GOLGA5: variants seen among roughly 807,000 people sequenced by gnomAD.
GOLGA5 encodes the protein golgin subfamily A member 5.
A neutral mutation model predicts 93.5 loss-of-function variants in GOLGA5; 50 were observed. The observed-to-expected ratio is 0.53, with a 90% CI of 0.43 to 0.68. GOLGA5 has a LOEUF of 0.68. GOLGA5 is among the 30% of genes least tolerant of loss of function. GOLGA5 has a pLI of 0.00. For missense variants in GOLGA5, 760 were observed against 856.4 expected (o/e 0.89, Z 1.40); for synonymous variants, 312 against 304.5 (o/e 1.02, Z -0.26).
At chr14:92,834,154 T>A (rs11844704) in intron 10 of GOLGA5, among the ~76,000 whole-genome samples, 506 of 151,044 alleles carry the variant, frequency 3.4e-3, no homozygotes, top group Middle Eastern at 0.014. Context: ...GTGATTTTTT[T>A]AAGGGTTTTC....
intron 1 of GOLGA5, among the ~76,000 whole-genome samples, chr14:92,796,687 CCGGCCGGGCGCGG>C (rs1408659129): frequency 2.4e-4 from 37 of 151,890 alleles, no homozygotes; most frequent in South Asian, 8.3e-4. Context: ...TAAGATTTGC[CCGGCCGGGCGCGG>C]TGGCTCACGC....
chr14:92,819,808 T>G lies in GOLGA5; in HGVS notation c.1592T>G (p.Leu531Arg). 6.2e-7 allele frequency: 1 copy of G among 1,613,984 alleles called. No individual in the cohort carries two copies. The highest frequency in any genetic ancestry group is 1.1e-5 in the South Asian group (1 of 91,066). ...IAGQKASKQE[L>R]ETELERLKQE... Reference sequence around the variant, plus strand: ...GGGCAGAAAGCATCCAAACAAGAACTAGAGACAGAACTGGAGCGACTGAAG... The same window carrying G: ...GGGCAGAAAGCATCCAAACAAGAACGAGAGACAGAACTGGAGCGACTGAAG... The change falls in exon 8 of 13, where the codon CTA becomes CGA. Residue 531 changes from leucine (L) to arginine (R), a missense_variant. Transcript: ENST00000163416.
intron 1 of GOLGA5, among the ~76,000 whole-genome samples, chr14:92,796,513 T>A (rs1383977538): frequency 6.6e-6 from 1 of 152,196 alleles, no homozygotes; most frequent in African/African-American, 2.4e-5. Flanking sequence ...TAGAAGGACA[T>A]GCCAATTATA....
At position 92,819,747 on chromosome 14, in the gene GOLGA5, A is replaced by G; in HGVS notation, c.1531A>G (p.Arg511Gly). 1 of 1,613,936 alleles carries G rather than the reference A, an allele frequency of 6.2e-7. No homozygotes were observed. Among genetic ancestry groups the G allele is most frequent in the Non-Finnish European group, 8.5e-7 (1 of 1,179,760 alleles). Residue 511 changes from arginine to glycine, a missense_variant, in exon 8 of 13, where the codon AGA becomes GGA. Physicochemically the swap from Arg to Gly is moderately radical, Grantham distance 125. Transcript: ENST00000163416. ...AQQVNEAESAREQLQDLHDQI... is the reference protein window; with the variant it reads ...AQQVNEAESAGEQLQDLHDQI... ...GCAAGTTAATGAAGCAGAATCAGCA[A>G]GAGAACAGTTACAGGATCTGCATGA...
At chr14:92,823,751 A>G (rs1420946018) in intron 8 of GOLGA5, among the ~76,000 whole-genome samples, 1 of 152,134 alleles carries the variant, frequency 6.6e-6, no homozygotes. Context: ...TATGAATACT[A>G]GAATAACTTT....
intron 9 of GOLGA5, among the ~76,000 whole-genome samples, chr14:92,828,127 A>G (rs944045298): frequency 1.3e-5 from 2 of 152,244 alleles, no homozygotes; most frequent in South Asian, 2.1e-4. Context: ...CAGATTTTCA[A>G]TGTAGATGAA....
chr14:92,814,806 A>G (rs1474288096), intron 6 of GOLGA5, among the ~76,000 whole-genome samples: 1 of 152,082 alleles, frequency 6.6e-6, no homozygotes, highest in Non-Finnish European at 1.5e-5. Context: ...TGCATGTCAA[A>G]TCTCTTCTTC....
At chr14:92,798,486 G>T (rs1380165057) in intron 2 of GOLGA5, among the ~76,000 whole-genome samples, 1 of 152,222 alleles carries the variant, frequency 6.6e-6, no homozygotes, top group East Asian at 1.9e-4. Flanking sequence ...TGACCTAGTA[G>T]TGAAGCAAGA....
chr14:92,813,457 TTGAAAGA>T (rs1200239604), intron 6 of GOLGA5, among the ~76,000 whole-genome samples: 2 of 152,072 alleles, frequency 1.3e-5, no homozygotes, highest in Non-Finnish European at 2.9e-5. Flanking sequence ...AAAGAGAAAC[TTGAAAGA>T]TGAATAGGAA....
chr14:92,807,587 C>T (rs1331482016), intron 3 of GOLGA5, among the ~76,000 whole-genome samples: 1 of 152,124 alleles, frequency 6.6e-6, no homozygotes. Context: ...TCAAGGGAAG[C>T]TGTTCCATTA....
At chr14:92,827,818 A>G (rs944014070) in intron 9 of GOLGA5, among the ~76,000 whole-genome samples, 2 of 152,216 alleles carry the variant, frequency 1.3e-5, no homozygotes, top group Non-Finnish European at 2.9e-5. Context: ...CTTATTGCTG[A>G]CAAGGAGAAA....
intron 2 of GOLGA5, among the ~76,000 whole-genome samples, chr14:92,802,764 T>C (rs1275412043): frequency 1.3e-5 from 2 of 151,522 alleles, no homozygotes; most frequent in Admixed American, 1.3e-4. Context: ...TATTTATTTA[T>C]TTTTAATAGA....
At chr14:92,816,133 C>CT (rs1165029149) in intron 6 of GOLGA5, 118 bp from the exon 7 acceptor site, 3 of 664,582 alleles carry the variant, frequency 4.5e-6, no homozygotes, top group African/African-American at 3.6e-5. Context: ...AATCTGTGGA[C>CT]TTTCTTTGAT....
intron 2 of GOLGA5, among the ~76,000 whole-genome samples, chr14:92,802,635 G>GT (rs769882547): frequency 6.6e-6 from 1 of 151,570 alleles, no homozygotes; most frequent in Non-Finnish European, 1.5e-5. Context: ...CTAGTTTGAG[G>GT]TTTTATCATG....
In GOLGA5 at chr14:92,824,587, C is replaced by T; in HGVS notation, c.1662C>T (p.Asn554=). The T allele has an allele frequency of 6.2e-7, 1 of 1,605,110 alleles. No homozygotes were observed. Among genetic ancestry groups the T allele is most frequent in the Non-Finnish European group, 8.5e-7 (1 of 1,173,732 alleles). Residue 554 remains asparagine (N), a synonymous_variant, in exon 9 of 13, where the codon AAC becomes AAT. Coordinates refer to ENST00000163416, the MANE Select transcript of GOLGA5 (RefSeq NM_005113.4). ...AAGAAGATCTTTATCGAACAAAGAA[C>T]ACATTGCAAAGCAGAATTAAAGATC... ...YIEEDLYRTK[N]TLQSRIKDRD...
At chr14:92,830,108 C>G (rs1043876818) in intron 9 of GOLGA5, among the ~76,000 whole-genome samples, 5 of 152,164 alleles carry the variant, frequency 3.3e-5, no homozygotes, top group Admixed American at 2.0e-4. Flanking sequence ...CATCTGAGGT[C>G]AGGAGTTCGA....
In GOLGA5 at chr14:92,806,723, CT is replaced by C. The variant is rs756446263; in HGVS notation, c.545-5del. On this transcript the variant is annotated splice_polypyrimidine_tract_variant and intron_variant, in intron 2 of 12. Coordinates refer to ENST00000163416, the MANE Select transcript of GOLGA5 (RefSeq NM_005113.4). ...CACGCCAATGTAACAAAAACGTATT[CT>C]TTTTTTTACAGAAGCTGCCAGTAAC... The C allele has an allele frequency of 1.0e-5, 16 of 1,570,756 alleles. No homozygotes were observed. Among genetic ancestry groups the C allele is most frequent in the African/African-American group, 1.4e-5 (1 of 73,914 alleles).
At chr14:92,805,423 G>T (rs1358407613) in intron 2 of GOLGA5, among the ~76,000 whole-genome samples, 1 of 152,072 alleles carries the variant, frequency 6.6e-6, no homozygotes, top group Non-Finnish European at 1.5e-5. Flanking sequence ...TCCAGTTTTG[G>T]ATTATTGTGA....
chr14:92,810,574 CAATT>C (rs1288273617), intron 5 of GOLGA5, 197 bp downstream of exon 5: 29 of 363,224 alleles, frequency 8.0e-5, no homozygotes, highest in Middle Eastern at 6.8e-4. Flanking sequence ...TGTTGAGAGA[CAATT>C]AAAATAGTTA....
Sources: gnomAD v4.1 joint callset for allele counts (sites outside exome capture counted in the v4.1 genomes callset) on GRCh38, gnomAD v4.1.1 for gene constraint, MANE v1.5 for transcripts, NCBI Gene and HGNC (gene_info 2026-07-23, HGNC 2026-07-21) for gene names.